Variants in CSTPP1 observed in about 807,000 individuals in gnomAD.
CSTPP1 encodes centriolar satellite-associated tubulin polyglutamylase complex regulator 1.
At chr11:47,090,930 T>A in the CSTPP1 span, among the ~76,000 whole-genome samples, 1 of 149,052 alleles carries the variant, frequency 6.7e-6, no homozygotes, top group Non-Finnish European at 1.5e-5. Flanking sequence ...TCCCAGCTAC[T>A]CGGGAGGCTG....
the CSTPP1 span, among the ~76,000 whole-genome samples, chr11:46,986,216 A>G: frequency 6.6e-6 from 1 of 152,206 alleles, no homozygotes; most frequent in African/African-American, 2.4e-5. Context: ...CCATGATTCA[A>G]ACTCAGGTCT....
At chr11:47,036,056 T>TATA in the CSTPP1 span, among the ~76,000 whole-genome samples, 3 of 9,650 alleles carry the variant, frequency 3.1e-4, no homozygotes, top group South Asian at 2.4e-3. Context: ...TATATATATA[T>TATA]TATATATATA....
At chr11:47,092,167 C>T in the CSTPP1 span, among the ~76,000 whole-genome samples, 3 of 152,214 alleles carry the variant, frequency 2.0e-5, no homozygotes, top group Admixed American at 6.5e-5. Flanking sequence ...AGCATTGTTT[C>T]AGATAAAGTC....
the CSTPP1 span, among the ~76,000 whole-genome samples, chr11:47,011,444 C>T: frequency 6.2e-4 from 95 of 152,294 alleles, no homozygotes; most frequent in African/African-American, 2.2e-3. Context: ...AATAGAGATT[C>T]TTCTCCCTTC....
chr11:47,031,715 T>A, the CSTPP1 span, among the ~76,000 whole-genome samples: 104,159 of 147,552 alleles, frequency 0.71, 37,765 homozygotes, highest in African/African-American at 0.86. Context: ...TTTTTTTTTT[T>A]AAAAGAGATC....
At chr11:46,943,519 C>T in the CSTPP1 span, among the ~76,000 whole-genome samples, 1 of 152,216 alleles carries the variant, frequency 6.6e-6, no homozygotes, top group Non-Finnish European at 1.5e-5. Flanking sequence ...CATGAGGAGG[C>T]ATCCGAGGAA....
At chr11:47,066,422 G>A in the CSTPP1 span, among the ~76,000 whole-genome samples, 1 of 151,862 alleles carries the variant, frequency 6.6e-6, no homozygotes, top group African/African-American at 2.4e-5. Context: ...AATGGTCCCA[G>A]TGTGAGTGAA....
At chr11:47,089,734 T>G in the CSTPP1 span, among the ~76,000 whole-genome samples, 1 of 152,192 alleles carries the variant, frequency 6.6e-6, no homozygotes, top group African/African-American at 2.4e-5. Context: ...ACAGGGAGCC[T>G]CCTGACTTAT....
At chr11:46,994,854 C>T in the CSTPP1 span, among the ~76,000 whole-genome samples, 7 of 151,306 alleles carry the variant, frequency 4.6e-5, no homozygotes, top group African/African-American at 1.7e-4. Context: ...AGGAATAGTA[C>T]CAGCTCCTCT....
the CSTPP1 span, among the ~76,000 whole-genome samples, chr11:47,014,353 A>G: frequency 6.7e-6 from 1 of 149,346 alleles, no homozygotes; most frequent in African/African-American, 2.4e-5. Flanking sequence ...AAGAAAGAGA[A>G]AGGAAGGAAG....
At chr11:47,100,034 A>C in the CSTPP1 span, among the ~76,000 whole-genome samples, 58 of 152,296 alleles carry the variant, frequency 3.8e-4, no homozygotes, top group Middle Eastern at 6.8e-3. Context: ...GCCACTGCCC[A>C]CCACACCATG....
chr11:47,030,156 C>T, the CSTPP1 span, among the ~76,000 whole-genome samples: 1 of 151,990 alleles, frequency 6.6e-6, no homozygotes, highest in Admixed American at 6.6e-5. Flanking sequence ...CAAAAAAAAC[C>T]TATCAGAAGA....
At chr11:47,082,326 C>T in the CSTPP1 span, among the ~76,000 whole-genome samples, 19,539 of 151,626 alleles carry the variant, frequency 0.13, 1,688 homozygotes, top group South Asian at 0.2. Context: ...AAAATATTTG[C>T]TTGCCAACAA....
chr11:47,097,451 T>TG, the CSTPP1 span, among the ~76,000 whole-genome samples: 1 of 20,838 alleles, frequency 4.8e-5, no homozygotes, highest in African/African-American at 2.2e-4. Flanking sequence ...GGGAGGGAGG[T>TG]GGGGGGGGGT....
chr11:46,974,880 A>G, the CSTPP1 span, among the ~76,000 whole-genome samples: 2 of 151,228 alleles, frequency 1.3e-5, no homozygotes, highest in African/African-American at 2.4e-5. Context: ...ACACACACAC[A>G]CACACACACA....
the CSTPP1 span, among the ~76,000 whole-genome samples, chr11:47,082,367 CA>C: frequency 6.6e-6 from 1 of 151,806 alleles, no homozygotes; most frequent in Non-Finnish European, 1.5e-5. Flanking sequence ...AGATTAACAA[CA>C]AACAGAAAGT....
the CSTPP1 span, chr11:47,157,907 A>G: frequency 1.2e-6 from 2 of 1,613,896 alleles, no homozygotes; most frequent in African/African-American, 2.7e-5. Context: ...GCACCGTGGA[A>G]TCAACCAAGC....
the CSTPP1 span, among the ~76,000 whole-genome samples, chr11:47,089,338 T>C: frequency 6.6e-5 from 10 of 152,318 alleles, no homozygotes; most frequent in Admixed American, 2.0e-4. Flanking sequence ...TATTTATATA[T>C]GGGTCCATAA....
chr11:47,162,399 A>T, the CSTPP1 span, among the ~76,000 whole-genome samples: 1 of 152,298 alleles, frequency 6.6e-6, no homozygotes, highest in East Asian at 1.9e-4. Context: ...CTAGCTTCGC[A>T]CAAGAGCAAC....
Sources: gnomAD v4.1 joint callset for allele counts (sites outside exome capture counted in the v4.1 genomes callset) on GRCh38, gnomAD v4.1.1 for gene constraint, MANE v1.5 for transcripts, NCBI Gene and HGNC (gene_info 2026-07-23, HGNC 2026-07-21) for gene names.